Variants in DNAH11 observed in about 807,000 individuals in gnomAD.
DNAH11 encodes the protein dynein axonemal heavy chain 11.
In DNAH11, 442 loss-of-function variants were observed where a neutral mutation model predicts 526.0. The ratio of observed to expected loss-of-function variants is 0.84; its 90% CI spans 0.78 to 0.91. The LOEUF (loss-of-function observed/expected upper bound fraction) is 0.91, where lower values mean the gene tolerates loss of function less well. Ranked by LOEUF, DNAH11 falls within the 40% of genes least tolerant of loss-of-function variation. The probability of loss-of-function intolerance (pLI) is 0.00; values close to 1 mark genes in which losing one functional copy is unlikely to be tolerated. For missense variants in DNAH11, 6,989 were observed against 5,448.7 expected (o/e 1.28, Z -8.90); for synonymous variants, 2,461 against 1,935.9 (o/e 1.27, Z -7.12).
intron 4 of DNAH11, 48 bp downstream of exon 4, chr7:21,559,840 T>A: frequency 7.0e-7 from 1 of 1,427,088 alleles, no homozygotes; most frequent in Non-Finnish European, 9.6e-7. Flanking sequence ...CAAAGTGTCC[T>A]GAGCTGCAAT....
intron 68 of DNAH11, among the ~76,000 whole-genome samples, chr7:21,855,005 G>A (rs921390562): frequency 2.0e-5 from 3 of 150,094 alleles, no homozygotes; most frequent in Non-Finnish European, 3.0e-5. Flanking sequence ...TTATATTGGT[G>A]TATTGCTCCT....
chr7:21,849,642 C>T (rs1782547743), intron 66 of DNAH11, among the ~76,000 whole-genome samples: 2 of 152,102 alleles, frequency 1.3e-5, no homozygotes, highest in Admixed American at 1.3e-4. Context: ...TTACTCAACT[C>T]TCCTTTTTGC....
intron 81 of DNAH11, 35 bp from the exon 82 acceptor site, chr7:21,900,972 G>GCCACA (rs1784786100): frequency 6.5e-7 from 1 of 1,533,998 alleles, no homozygotes; most frequent in Non-Finnish European, 8.8e-7. Flanking sequence ...GTAGCAAGCT[G>GCCACA]CCACACAATT....
At chr7:21,872,207 A>G (rs1426196972) in intron 73 of DNAH11, among the ~76,000 whole-genome samples, 1 of 150,280 alleles carries the variant, frequency 6.7e-6, no homozygotes, top group Non-Finnish European at 1.5e-5. Flanking sequence ...ATTTCCAAAT[A>G]CAGTCACATT....
In DNAH11 at chr7:21,678,054, G is replaced by A. The variant is rs537724003; in HGVS notation, c.5329-3492G>A. On this transcript the variant is annotated intron_variant, in intron 30 of 81. Coordinates refer to ENST00000409508, the MANE Select transcript of DNAH11 (RefSeq NM_001277115.2). ...ATTTTGTTGATTTTTTTCTGTTGATGTACAGAAACTTTTTAGTTTGATATA... is the reference window on the plus strand; with the variant it reads ...ATTTTGTTGATTTTTTTCTGTTGATATACAGAAACTTTTTAGTTTGATATA... Among the ~76,000 whole-genome samples, 71 of 151,804 alleles carry A rather than the reference G, an allele frequency of 4.7e-4. 1 individual carries two copies. The highest frequency in any genetic ancestry group is 1.6e-3 in the African/African-American group (67 of 41,426).
At chr7:21,640,518 T>TTTTTTTTTTTTTTTTTGAGACGG (rs1787079612) in intron 28 of DNAH11, among the ~76,000 whole-genome samples, 3 of 151,670 alleles carry the variant, frequency 2.0e-5, no homozygotes, top group African/African-American at 7.3e-5. Context: ...CTTTTTCTTT[T>TTTTTTTTTTTTTTTTTGAGACGG]AATCATATTA....
intron 8 of DNAH11, among the ~76,000 whole-genome samples, chr7:21,575,774 A>C (rs1416166110): frequency 3.3e-5 from 5 of 152,116 alleles, no homozygotes; most frequent in Non-Finnish European, 4.4e-5. Flanking sequence ...TGGCATATAC[A>C]TATATTTATT....
At chr7:21,756,304 G>T (rs1375360006) in intron 54 of DNAH11, among the ~76,000 whole-genome samples, 1 of 151,988 alleles carries the variant, frequency 6.6e-6, no homozygotes, top group South Asian at 2.1e-4. Flanking sequence ...GATTTGAAAT[G>T]ATGTTTATCT....
intron 54 of DNAH11, among the ~76,000 whole-genome samples, chr7:21,760,317 T>A (rs1305874685): frequency 6.6e-6 from 1 of 152,186 alleles, no homozygotes; most frequent in Non-Finnish European, 1.5e-5. Context: ...ACACCAAGCC[T>A]TACAACCTGC....
Position 21,807,954 on chromosome 7 carries a change from C to T in DNAH11, c.10237C>T (p.Leu3413Phe), listed in dbSNP as rs1336229421. The change falls in exon 63 of 82, where the codon CTC (leucine) becomes TTC (phenylalanine). Residue 3413 changes from leucine (L) to phenylalanine (F), a missense_variant. Coordinates refer to ENST00000409508, the MANE Select transcript of DNAH11 (RefSeq NM_001277115.2). Reference sequence around the variant, plus strand: ...GAAGACACTCTGTGGAGATGTTCTTCTCACGGCGGCATTTGTGTCTTACGT... The same window carrying T: ...GAAGACACTCTGTGGAGATGTTCTTTTCACGGCGGCATTTGTGTCTTACGT... The part of the protein sequence containing the change: ...QEKTLCGDVL[L>F]TAAFVSYVGP... The T allele has an allele frequency of 6.2e-7, 1 of 1,608,980 alleles. No individual in the cohort carries two copies. Among genetic ancestry groups the T allele is most frequent in the East Asian group, 2.2e-5 (1 of 44,832 alleles).
chr7:21,823,995 A>G (rs1034445992), intron 65 of DNAH11, among the ~76,000 whole-genome samples: 2 of 152,186 alleles, frequency 1.3e-5, no homozygotes, highest in Admixed American at 1.3e-4. Flanking sequence ...CAGTCTGCTA[A>G]GAGATTCCTG....
At chr7:21,711,956 C>T in intron 42 of DNAH11, 96 bp downstream of exon 42, 2 of 1,362,552 alleles carry the variant, frequency 1.5e-6, no homozygotes, top group African/African-American at 1.4e-5. Context: ...TGTTGTTGCA[C>T]AGCTGTCACC....
Position 21,897,458 on chromosome 7 carries a change from A to G in DNAH11, c.13050-1878A>G, listed in dbSNP as rs373383672. Among the ~76,000 whole-genome samples, 11 of 152,180 alleles carry G rather than the reference A, an allele frequency of 7.2e-5. No homozygotes were observed. The South Asian group carries it at 1.4e-3, about 20-fold the overall frequency. On this transcript the variant is annotated intron_variant, in intron 79 of 81. Transcript: ENST00000409508. Reference sequence around the variant, plus strand: ...TAGCATACTTCTTTTCCCTTTATAAATGGCTTCATGTTTTCCCCTGGCCAT... The same window carrying G: ...TAGCATACTTCTTTTCCCTTTATAAGTGGCTTCATGTTTTCCCCTGGCCAT...
intron 45 of DNAH11, among the ~76,000 whole-genome samples, chr7:21,735,250 T>C (rs939852246): frequency 2.0e-5 from 3 of 152,218 alleles, no homozygotes; most frequent in African/African-American, 4.8e-5. Flanking sequence ...CATTTTCTCA[T>C]CTCCTGAAAT....
intron 61 of DNAH11, among the ~76,000 whole-genome samples, chr7:21,797,741 G>A (rs1218090172): frequency 6.6e-6 from 1 of 152,104 alleles, no homozygotes; most frequent in Non-Finnish European, 1.5e-5. Flanking sequence ...TATTCCTGGT[G>A]AACATTCACT....
intron 25 of DNAH11, among the ~76,000 whole-genome samples, chr7:21,621,651 T>C (rs1205337994): frequency 6.6e-6 from 1 of 151,868 alleles, no homozygotes; most frequent in East Asian, 1.9e-4. Context: ...ATCCCTGGGA[T>C]GCAAGGCTGG....
chr7:21,825,105 A>G (rs1418821910), intron 65 of DNAH11, among the ~76,000 whole-genome samples: 1 of 152,122 alleles, frequency 6.6e-6, no homozygotes, highest in Non-Finnish European at 1.5e-5. Context: ...TCCTGACCTT[A>G]AATGATCTGC....
intron 25 of DNAH11, among the ~76,000 whole-genome samples, chr7:21,626,389 G>C (rs539950417): frequency 6.6e-6 from 1 of 152,068 alleles, no homozygotes; most frequent in South Asian, 2.1e-4. Context: ...TCTGTATTTT[G>C]GCTATTGTAA....
intron 42 of DNAH11, among the ~76,000 whole-genome samples, chr7:21,713,758 C>T (rs1245739117): frequency 1.3e-5 from 2 of 152,174 alleles, no homozygotes; most frequent in Non-Finnish European, 2.9e-5. Context: ...AGTCTCATTC[C>T]TTACCTCTAC....
Sources: gnomAD v4.1 joint callset for allele counts (sites outside exome capture counted in the v4.1 genomes callset) on GRCh38, gnomAD v4.1.1 for gene constraint, MANE v1.5 for transcripts, NCBI Gene and HGNC (gene_info 2026-07-23, HGNC 2026-07-21) for gene names.